Variants in C3orf49 observed in about 807,000 individuals in gnomAD.
C3orf49 encodes putative uncharacterized protein C3orf49.
C3orf49 carries 27 observed loss-of-function variants against 13.3 expected under a neutral mutation model. The ratio of observed to expected loss-of-function variants is 2.02; its 90% confidence interval spans 1.49 to 2.79. The LOEUF (loss-of-function observed/expected upper bound fraction) is 2.79, where lower values mean the gene tolerates loss of function less well. Ranked by LOEUF, C3orf49 falls within the 30% of genes most tolerant of loss-of-function variation. The pLI, the probability that C3orf49 is intolerant of heterozygous loss-of-function variation, is 0.00. For synonymous variants in C3orf49, 87 were observed against 47.6 expected, an observed-to-expected ratio of 1.83 and a Z score of -3.40; for missense variants, 242 against 134.2, an observed-to-expected ratio of 1.80 and a Z score of -3.97.
the C3orf49 span, among the ~76,000 whole-genome samples, chr3:63,789,810 C>CAA: frequency 0.027 from 1,291 of 48,686 alleles, 43 homozygotes; most frequent in South Asian, 0.053. Flanking sequence ...GACTCTGTCT[C>CAA]AAAAAAAAAA....
chr3:63,781,176 AG>A, the C3orf49 span, among the ~76,000 whole-genome samples: 4 of 150,764 alleles, frequency 2.7e-5, no homozygotes, highest in Non-Finnish European at 5.9e-5. Flanking sequence ...ATAAGGTGTA[AG>A]GAAGGGATCC....
upstream of C3orf49, among the ~76,000 whole-genome samples, chr3:63,814,984 C>T (rs763840663): frequency 2.0e-5 from 3 of 152,174 alleles, no homozygotes; most frequent in East Asian, 1.9e-4. Flanking sequence ...TGGCTGAAGG[C>T]GAAGTGGGAG....
At chr3:63,838,984 A>T (rs573618829) in intron 5 of C3orf49, among the ~76,000 whole-genome samples, 1 of 152,326 alleles carries the variant, frequency 6.6e-6, no homozygotes, top group Admixed American at 6.5e-5. Flanking sequence ...TAATGCTAGA[A>T]GTTTGACACC....
chr3:63,846,247 T>C (rs1175998532), intron 6 of C3orf49: 3 of 448,216 alleles, frequency 6.7e-6, no homozygotes, highest in Admixed American at 4.8e-5. Flanking sequence ...AGTTTCCTTA[T>C]AAGAGAATCG....
At chr3:63,844,422 T>C (rs1575808043) in intron 5 of C3orf49, among the ~76,000 whole-genome samples, 1 of 152,324 alleles carries the variant, frequency 6.6e-6, no homozygotes, top group Admixed American at 6.5e-5. Context: ...TAGTTAACCA[T>C]TCCACAATGT....
the C3orf49 span, among the ~76,000 whole-genome samples, chr3:63,791,982 T>A: frequency 6.6e-6 from 1 of 152,216 alleles, no homozygotes; most frequent in East Asian, 1.9e-4. Context: ...CCTTCAAATA[T>A]TTACACTCAG....
At chr3:63,791,881 C>T in the C3orf49 span, among the ~76,000 whole-genome samples, 3 of 152,104 alleles carry the variant, frequency 2.0e-5, no homozygotes, top group African/African-American at 7.2e-5. Context: ...TGTCTTGGGC[C>T]TTCAACAAAG....
At chr3:63,786,902 T>C in the C3orf49 span, among the ~76,000 whole-genome samples, 1 of 152,144 alleles carries the variant, frequency 6.6e-6, no homozygotes, top group African/African-American at 2.4e-5. Flanking sequence ...AAGACAGCAG[T>C]GGAAGTCAGG....
upstream of C3orf49, among the ~76,000 whole-genome samples, chr3:63,815,799 G>C (rs1341680847): frequency 7.5e-5 from 9 of 120,544 alleles, no homozygotes; most frequent in Non-Finnish European, 1.5e-4. Flanking sequence ...ACAGAGTCTT[G>C]CTCTGTCGCC....
intron 5 of C3orf49, among the ~76,000 whole-genome samples, chr3:63,842,235 G>A (rs913873775): frequency 6.6e-6 from 1 of 152,046 alleles, no homozygotes; most frequent in East Asian, 1.9e-4. Flanking sequence ...CACTAATCAG[G>A]GAAATGCAAA....
chr3:63,798,894 T>C, the C3orf49 span, among the ~76,000 whole-genome samples: 1 of 152,158 alleles, frequency 6.6e-6, no homozygotes, highest in South Asian at 2.1e-4. Context: ...ATTTAATCTC[T>C]ATGAGCAAGC....
At chr3:63,806,327 C>G in the C3orf49 span, among the ~76,000 whole-genome samples, 6 of 152,226 alleles carry the variant, frequency 3.9e-5, no homozygotes, top group African/African-American at 1.4e-4. Flanking sequence ...TTCCTTACCC[C>G]ACTCTGGGTG....
At chr3:63,791,363 A>T in the C3orf49 span, among the ~76,000 whole-genome samples, 1 of 152,204 alleles carries the variant, frequency 6.6e-6, no homozygotes, top group African/African-American at 2.4e-5. Flanking sequence ...TCCCTCCCAT[A>T]TTCTTTGATA....
the C3orf49 span, among the ~76,000 whole-genome samples, chr3:63,807,762 C>T: frequency 1.4e-5 from 2 of 145,720 alleles, no homozygotes; most frequent in African/African-American, 5.1e-5. Flanking sequence ...GAGGTTGAGA[C>T]AGGAGAATCA....
the C3orf49 span, among the ~76,000 whole-genome samples, chr3:63,780,279 T>C: frequency 6.6e-6 from 1 of 152,172 alleles, no homozygotes; most frequent in South Asian, 2.1e-4. Flanking sequence ...CTGAGAATGA[T>C]GGTTTCCAGC....
intron 2 of C3orf49, chr3:63,826,784 T>C (rs1342341607): frequency 1.3e-5 from 2 of 152,052 alleles, no homozygotes; most frequent in Admixed American, 6.6e-5. Flanking sequence ...AAGGAAAATG[T>C]CTCATTTAGT....
intron 5 of C3orf49, chr3:63,832,930 C>T (rs970281078): frequency 6.6e-6 from 1 of 152,056 alleles, no homozygotes; most frequent in Non-Finnish European, 1.5e-5. Flanking sequence ...AATGTAACAT[C>T]ATTAAGGTAT....
chr3:63,801,192 G>C, the C3orf49 span, among the ~76,000 whole-genome samples: 2 of 152,068 alleles, frequency 1.3e-5, no homozygotes, highest in African/African-American at 4.8e-5. Flanking sequence ...TTAATCAATG[G>C]GGAAACTGAA....
chr3:63,823,766 T>TTG (rs55765936), intron 2 of C3orf49, among the ~76,000 whole-genome samples, 197 bp downstream of exon 2: 16,669 of 122,802 alleles, frequency 0.14, 1,006 homozygotes, highest in Non-Finnish European at 0.15. Flanking sequence ...GTTCATACCG[T>TTG]TGTGTGTGTG....
Sources: allele counts gnomAD v4.1 joint callset (sites outside exome capture counted in the v4.1 genomes callset), GRCh38; gene constraint gnomAD v4.1.1; transcripts MANE v1.5; gene names NCBI Gene and HGNC (gene_info 2026-07-23, HGNC 2026-07-21).